Variants in FAM78A observed in about 807,000 individuals in gnomAD.
The protein encoded by FAM78A is family with sequence similarity 78 member A, also known as protein FAM78A.
In FAM78A, 12 loss-of-function variants were observed where a neutral mutation model predicts 22.6. The ratio of observed to expected loss-of-function variants is 0.53; its 90% CI spans 0.34 to 0.86. The LOEUF (loss-of-function observed/expected upper bound fraction) is 0.86. Among genes scored for constraint, FAM78A ranks in the 40% least tolerant of loss-of-function variants. The probability of loss-of-function intolerance (pLI) is 0.02; values close to 1 mark genes in which losing one functional copy is unlikely to be tolerated. For synonymous variants in FAM78A, 151 were observed against 155.8 expected, an observed-to-expected ratio of 0.97 and a Z score of 0.23; for missense variants, 322 against 396.1, an observed-to-expected ratio of 0.81 and a Z score of 1.59.
Position 131,261,160 on chromosome 9 carries a change from C to G in FAM78A, c.514G>C (p.Val172Leu), listed in dbSNP as rs548824827. The change falls in exon 2 of 2, where the codon GTC becomes CTC. Residue 172 changes from valine (V) to leucine (L), a missense_variant. Coordinates refer to ENST00000372271, the MANE Select transcript of FAM78A (RefSeq NM_033387.4). This position sits in a 1 kb window ranked among gnomAD's most constrained non-coding sequence, Gnocchi z 7.1. ...FYPSVTWAVP[V>L]SESNVAKLTN... Reference sequence around the variant, plus strand: ...AGCTTGGCCACGTTGCTCTCGCTGACGGGCACGGCCCATGTGACGCTGGGG... The same window carrying G: ...AGCTTGGCCACGTTGCTCTCGCTGAGGGGCACGGCCCATGTGACGCTGGGG... 1 of 1,614,040 alleles carries G rather than the reference C, an allele frequency of 6.2e-7. No homozygotes were observed. Among genetic ancestry groups the G allele is most frequent in the Non-Finnish European group, 8.5e-7 (1 of 1,179,976 alleles).
upstream of FAM78A, among the ~76,000 whole-genome samples, chr9:131,278,023 C>CGCGGGGAT (rs1835506767): frequency 6.8e-6 from 1 of 146,580 alleles, no homozygotes; most frequent in Non-Finnish European, 1.5e-5. Context: ...TCGCCGGCCC[C>CGCGGGGAT]GCGGGGATGC....
intron 1 of FAM78A, among the ~76,000 whole-genome samples, chr9:131,262,315 A>AG (rs1373125137): frequency 1.4e-5 from 2 of 147,810 alleles, no homozygotes; most frequent in African/African-American, 5.3e-5. Context: ...GTCTCCAAAA[A>AG]AAAAAAAAAA....
upstream of FAM78A, among the ~76,000 whole-genome samples, chr9:131,279,223 C>T (rs549315669): frequency 1.3e-5 from 2 of 152,358 alleles, no homozygotes; most frequent in African/African-American, 4.8e-5. Flanking sequence ...AGTAGAACCC[C>T]AGACAGCACA....
chr9:131,280,789 G>T (rs759696874), upstream of FAM78A, among the ~76,000 whole-genome samples: 1 of 152,230 alleles, frequency 6.6e-6, no homozygotes, highest in African/African-American at 2.4e-5. Context: ...GTGTCTCCTT[G>T]CAGGCATCAC....
upstream of FAM78A, among the ~76,000 whole-genome samples, chr9:131,277,462 C>A (rs1444271644): frequency 6.6e-6 from 1 of 151,936 alleles, no homozygotes; most frequent in Non-Finnish European, 1.5e-5. The surrounding 1 kb of genome is among the most constrained non-coding windows in gnomAD (Gnocchi z 8.4). Flanking sequence ...CGCGAGCAGC[C>A]CCGGGTCCCC....
chr9:131,275,740 T>A lies in FAM78A; in HGVS notation c.323+117A>T. The A allele has an allele frequency of 8.7e-7, 1 of 1,144,370 alleles. No individual in the cohort carries two copies. The highest frequency in any genetic ancestry group is 1.6e-5 in the South Asian group (1 of 60,850). The allele number at this position is 1,144,370 out of a possible 1,614,324, so 70.9% of individuals were successfully genotyped here. ...TGCATACCTGCCTAAAGCTTCCCTC[T>A]GGCCTCCGTCCTGTCTTCATGGTAT... On this transcript the variant is annotated intron_variant, in intron 1 of 1. Transcript: ENST00000372271. This position sits in a 1 kb window ranked among gnomAD's most constrained non-coding sequence, Gnocchi z 4.6.
At chr9:131,277,066 C>A (rs1370674572), upstream of FAM78A, among the ~76,000 whole-genome samples, 3 of 151,000 alleles carry the variant, frequency 2.0e-5, no homozygotes, top group East Asian at 5.8e-4. The surrounding 1 kb of genome is among the most constrained non-coding windows in gnomAD (Gnocchi z 8.4). Context: ...GAGCTGACGG[C>A]GCAGCTCTGG....
Position 131,266,992 on chromosome 9 carries a change from G to A in FAM78A, c.324-5642C>T, listed in dbSNP as rs542898288. On this transcript the variant is annotated intron_variant, in intron 1 of 1. Transcript: ENST00000372271. ...TCTTGTTGGACAGTCACCTTAGCAC[G>A]CGGTGACAGCAGGTACCACTCCCTG... 2.1e-3 allele frequency among the ~76,000 whole-genome samples: 321 copies of A among 152,338 alleles called. 1 individual carries two copies. The highest frequency in any genetic ancestry group is 7.4e-3 in the African/African-American group (308 of 41,580).
chr9:131,279,459 C>G (rs1410581078), upstream of FAM78A, among the ~76,000 whole-genome samples: 1 of 152,228 alleles, frequency 6.6e-6, no homozygotes, highest in Non-Finnish European at 1.5e-5. Flanking sequence ...ATGTCTGTTT[C>G]ATTTCCCGAC....
chr9:131,271,328 T>G (rs1835419394), intron 1 of FAM78A, among the ~76,000 whole-genome samples: 1 of 152,230 alleles, frequency 6.6e-6, no homozygotes, highest in African/African-American at 2.4e-5. Flanking sequence ...CAGCCACCTT[T>G]CCGGTGACTC....
chr9:131,270,581 C>T, intron 1 of FAM78A: 1 of 710,492 alleles, frequency 1.4e-6, no homozygotes, highest in Non-Finnish European at 2.6e-6. Context: ...CTTCCTCCCA[C>T]CCCAAAGCCT....
intron 1 of FAM78A, among the ~76,000 whole-genome samples, chr9:131,273,390 C>T (rs1050556364): frequency 2.0e-5 from 3 of 152,234 alleles, no homozygotes; most frequent in African/African-American, 7.2e-5. Context: ...GTATCCCAAC[C>T]GGGATTGCAC....
At chr9:131,264,692 C>T in intron 1 of FAM78A, 1 of 694,528 alleles carries the variant, frequency 1.4e-6, no homozygotes. Context: ...TGATTTGACC[C>T]AAAGCCCTAA....
At chr9:131,276,704 G>C (rs1835488669), upstream of FAM78A, among the ~76,000 whole-genome samples, 1 of 151,896 alleles carries the variant, frequency 6.6e-6, no homozygotes, top group Non-Finnish European at 1.5e-5. The surrounding 1 kb of genome is among the most constrained non-coding windows in gnomAD (Gnocchi z 4.3). Context: ...CCGAGGTCCC[G>C]GCGCCCTCGG....
upstream of FAM78A, among the ~76,000 whole-genome samples, chr9:131,277,739 C>A (rs1397250936): frequency 6.6e-5 from 10 of 151,140 alleles, no homozygotes; most frequent in Non-Finnish European, 5.9e-5. The surrounding 1 kb of genome is among the most constrained non-coding windows in gnomAD (Gnocchi z 8.4). Context: ...GGGGGGCGGC[C>A]GGGGGCGGAG....
chr9:131,266,522 C>G (rs1406404686), intron 1 of FAM78A, among the ~76,000 whole-genome samples: 1 of 152,038 alleles, frequency 6.6e-6, no homozygotes, highest in Non-Finnish European at 1.5e-5. Flanking sequence ...CTCCTCCTCC[C>G]CCCCACTTCC....
At position 131,260,921 on chromosome 9, in the gene FAM78A, G is replaced by T. The variant is rs1835256115; in HGVS notation, c.753C>A (p.Pro251=). The change falls in exon 2 of 2, where the codon CCC becomes CCA. Residue 251 remains proline, a synonymous_variant. Transcript: ENST00000372271. This position sits in a 1 kb window ranked among gnomAD's most constrained non-coding sequence, Gnocchi z 5.4. The part of the protein sequence containing the change: ...KILSKNEPIP[P]SALVKPNAND... ...TGGCATTGGGCTTGACCAGGGCGCT[G>T]GGCGGGATGGGCTCATTCTTGCTCA... 6.3e-7 allele frequency: 1 copy of T among 1,597,132 alleles called. No homozygotes were observed. The highest frequency in any genetic ancestry group is 8.6e-7 in the Non-Finnish European group (1 of 1,169,254).
intron 1 of FAM78A, among the ~76,000 whole-genome samples, chr9:131,273,197 G>A (rs936353065): frequency 9.2e-5 from 14 of 152,152 alleles, no homozygotes; most frequent in African/African-American, 3.4e-4. Context: ...CTGGCCTCTC[G>A]CTGAATCCTC....
rs375890754 is a variant in FAM78A at position 131,260,891 on chromosome 9, A to G, written c.783T>C (p.Asp261=). The G allele has an allele frequency of 7.5e-5, 116 of 1,551,558 alleles. No individual in the cohort carries two copies. The highest frequency in any genetic ancestry group is 9.4e-5 in the Non-Finnish European group (108 of 1,146,352). The change falls in exon 2 of 2, where the codon GAT becomes GAC. Residue 261 remains aspartate, a synonymous_variant. Transcript: ENST00000372271. The surrounding 1 kb of genome is among the most constrained non-coding windows in gnomAD (Gnocchi z 5.4). ...PSALVKPNAN[D]AQVLMWRPKY... ...TGGGCCGCCACATGAGGACCTGGGC[A>G]TCGTTGGCATTGGGCTTGACCAGGG...
Sources: gnomAD v4.1 joint callset for allele counts (sites outside exome capture counted in the v4.1 genomes callset) on GRCh38, gnomAD v4.1.1 for gene constraint, Gnocchi (gnomAD v3.1) non-coding constraint, MANE v1.5 for transcripts, NCBI Gene and HGNC (gene_info 2026-07-23, HGNC 2026-07-21) for gene names.